The following WDR31 variants were observed in gnomAD, a reference collection of about 807,000 sequenced individuals.
WDR31 encodes the protein WD repeat-containing protein 31.
WDR31 carries 30 observed loss-of-function variants against 47.3 expected under a neutral mutation model. The observed-to-expected ratio is 0.63, with a 90% CI of 0.47 to 0.86. WDR31 has a LOEUF of 0.86. Ranked by LOEUF, WDR31 falls within the 40% of genes least tolerant of loss-of-function variation. WDR31 has a pLI of 0.00. For missense variants in WDR31, 406 were observed against 442.9 expected (o/e 0.92, Z 0.75); for synonymous variants, 137 against 159.4 (o/e 0.86, Z 1.06).
chr9:113,314,135 G>C lies in WDR31; in HGVS notation c.*2614C>G, dbSNP rs1239380985. The C allele has an allele frequency of 7.0e-6, 1 of 143,028 alleles. No homozygotes were observed. The highest frequency in any genetic ancestry group is 1.5e-5 in the Non-Finnish European group (1 of 65,336). 8.9% of individuals were successfully genotyped at this position (143,028 alleles called of 1,614,324 possible). ...AGATTGCACCACTGCACTCCAGCCT[G>C]GGCGACAGAGCAAGATTCCATCTCA... On this transcript the variant is annotated 3_prime_UTR_variant, in exon 11 of 11. Transcript: ENST00000374193.
Position 113,314,241 on chromosome 9 carries a change from G to A in WDR31, c.*2508C>T, listed in dbSNP as rs1195908363. The A allele has an allele frequency of 2.0e-5, 3 of 147,894 alleles. No individual in the cohort carries two copies. Among genetic ancestry groups the A allele is most frequent in the Non-Finnish European group, 4.4e-5 (3 of 67,452 alleles). 9.2% of individuals were successfully genotyped at this position (147,894 alleles called of 1,614,324 possible). On this transcript the variant is annotated 3_prime_UTR_variant, in exon 11 of 11. Transcript: ENST00000374193. ...TTATTTTATTTTATTTTGAGATAGA[G>A]TCTCTCTCTGTTGCCTAGGCTGGAG...
rs965485354 is a variant in WDR31 at position 113,321,350 on chromosome 9, G to C, written c.638+161C>G. 1.1e-5 allele frequency: 7 copies of C among 660,126 alleles called. No homozygotes were observed. The African/African-American group carries it at 1.3e-4, about 12-fold the overall frequency. The allele number at this position is 660,126 out of a possible 1,614,324, so 40.9% of individuals were successfully genotyped here. On this transcript the variant is annotated intron_variant, in intron 8 of 10. Transcript: ENST00000374193. The stretch of plus-strand genomic sequence containing the variant: ...ACAACCTCTACCTTAATGATCCATG[G>C]GGCCAAAGCAGAGAGGCCCCAGCAC...
chr9:113,334,373 TAA>T (rs1421239731), intron 2 of WDR31, among the ~76,000 whole-genome samples: 2 of 152,298 alleles, frequency 1.3e-5, no homozygotes, highest in African/African-American at 4.8e-5. Context: ...TGCAAAAACA[TAA>T]AGCAATACCA....
chr9:113,335,809 C>G (rs752818589), intron 2 of WDR31, among the ~76,000 whole-genome samples: 1 of 152,154 alleles, frequency 6.6e-6, no homozygotes, highest in Non-Finnish European at 1.5e-5. Context: ...GCCTCCCCAG[C>G]TAGAAAATTA....
intron 1 of WDR31, among the ~76,000 whole-genome samples, chr9:113,338,519 A>G (rs749034548): frequency 3.3e-5 from 5 of 152,184 alleles, no homozygotes; most frequent in Non-Finnish European, 5.9e-5. Context: ...TGTATCTATG[A>G]TTTGACCTTA....
Position 113,335,691 on chromosome 9 carries a change from A to G in WDR31, c.-29+597T>C, listed in dbSNP as rs145905235. 1.2e-4 allele frequency among the ~76,000 whole-genome samples: 19 copies of G among 152,300 alleles called. 1 individual carries two copies. The East Asian group carries it at 3.5e-3, about 28-fold the overall frequency. ...ATAGGTAACCAATACAGAAAAGCAC[A>G]ATGCAATGGAAACAATGTGAGTGGC... On this transcript the variant is annotated intron_variant, in intron 2 of 10. Coordinates refer to ENST00000374193, the MANE Select transcript of WDR31 (RefSeq NM_001012361.4).
At chr9:113,327,039 T>C (rs1226161421) in intron 5 of WDR31, among the ~76,000 whole-genome samples, 2 of 152,164 alleles carry the variant, frequency 1.3e-5, no homozygotes, top group Non-Finnish European at 2.9e-5. Context: ...TCTCATTATG[T>C]TGCCCAGGCT....
intron 5 of WDR31, among the ~76,000 whole-genome samples, chr9:113,327,251 G>A (rs1833492694): frequency 6.6e-6 from 1 of 152,122 alleles, no homozygotes; most frequent in South Asian, 2.1e-4. Context: ...CCTTCAAAGT[G>A]TATTTTCATC....
intron 3 of WDR31, 52 bp from the exon 4 acceptor site, chr9:113,331,168 G>A: frequency 1.6e-6 from 2 of 1,221,630 alleles, no homozygotes; most frequent in South Asian, 1.7e-5. Context: ...GTGGATGGGG[G>A]TGGGGTGGGG....
intron 9 of WDR31, among the ~76,000 whole-genome samples, chr9:113,319,006 C>A (rs534325686): frequency 3.9e-5 from 6 of 152,234 alleles, no homozygotes; most frequent in Non-Finnish European, 5.9e-5. Context: ...GCTTTCATGG[C>A]AACTCAAGAG....
At chr9:113,320,721 G>A (rs986111657) in intron 8 of WDR31, among the ~76,000 whole-genome samples, 2 of 152,216 alleles carry the variant, frequency 1.3e-5, no homozygotes, top group Admixed American at 1.3e-4. Flanking sequence ...TTTCTATTTT[G>A]AGATCAGTTA....
intron 1 of WDR31, among the ~76,000 whole-genome samples, chr9:113,338,299 T>G (rs1454131276): frequency 6.6e-6 from 1 of 152,198 alleles, no homozygotes; most frequent in Admixed American, 6.5e-5. Context: ...TCAGAGTGAT[T>G]GGACCCAATA....
At chr9:113,335,601 G>T (rs1451625445) in intron 2 of WDR31, among the ~76,000 whole-genome samples, 1 of 152,182 alleles carries the variant, frequency 6.6e-6, no homozygotes, top group Non-Finnish European at 1.5e-5. Flanking sequence ...TTAAAAAAAT[G>T]GAGTTTTCCA....
rs890908129 is a variant in WDR31, at chr9:113,330,890, C to G, written c.249+94G>C. On this transcript the variant is annotated intron_variant, in intron 4 of 10. Transcript: ENST00000374193. ...AGCCAATATTTTTACACTTGTCAAC[C>G]CTGCTCCAGAAATGCAAATCCTAGA... 5.0e-6 allele frequency: 7 copies of G among 1,399,162 alleles called. No individual in the cohort carries two copies. The African/African-American group carries it at 1.0e-4, about 20-fold the overall frequency. 86.7% of individuals were successfully genotyped at this position (1,399,162 alleles called of 1,614,324 possible).
At chr9:113,331,868 C>T in intron 3 of WDR31, 39 bp downstream of exon 3, 1 of 1,585,868 alleles carries the variant, frequency 6.3e-7, no homozygotes, top group South Asian at 1.1e-5. Context: ...TTTAATGGGG[C>T]ATGATAAAAC....
chr9:113,316,615 A>G lies in WDR31; in HGVS notation c.*134T>C. 2 of 1,115,562 alleles carry G rather than the reference A, an allele frequency of 1.8e-6. No individual in the cohort carries two copies. The highest frequency in any genetic ancestry group is 2.5e-6 in the Non-Finnish European group (2 of 792,972). 69.1% of individuals were successfully genotyped at this position (1,115,562 alleles called of 1,614,324 possible). Reference sequence around the variant, plus strand: ...TTAAATTATTGGACTTACAACACTGATACATCTTGTAAATGAACCTAAGCA... The same window carrying G: ...TTAAATTATTGGACTTACAACACTGGTACATCTTGTAAATGAACCTAAGCA... On this transcript the variant is annotated 3_prime_UTR_variant, in exon 11 of 11. Coordinates refer to ENST00000374193, the MANE Select transcript of WDR31 (RefSeq NM_001012361.4).
chr9:113,322,579 C>T (rs1258289658), intron 7 of WDR31, among the ~76,000 whole-genome samples: 1 of 152,108 alleles, frequency 6.6e-6, no homozygotes, highest in African/African-American at 2.4e-5. Context: ...AATGAAGACA[C>T]CATTTTAAAT....
At chr9:113,334,451 TTAATATGCAATAGG>T (rs1564314933) in intron 2 of WDR31, among the ~76,000 whole-genome samples, 1 of 152,180 alleles carries the variant, frequency 6.6e-6, no homozygotes. Flanking sequence ...ATGTTTTATG[TTAATATGCAATAGG>T]TTTATTGCTA....
At position 113,316,750 on chromosome 9, in the gene WDR31, C is replaced by T; in HGVS notation, c.1103G>A (p.Ter368=). The change falls in exon 11 of 11, where the codon TGA becomes TAA. Residue 368 remains the stop codon, a stop_retained_variant. Transcript: ENST00000374193. ...TTGTCCAGTGAGTGTCTCTTGGCCT[C>T]AGAATGCTGCCACTTCCTGCAGTTC... ...GLELQEVAAF[*] 1 of 1,613,404 alleles carries T rather than the reference C, an allele frequency of 6.2e-7. No individual in the cohort carries two copies. Among genetic ancestry groups the T allele is most frequent in the Non-Finnish European group, 8.5e-7 (1 of 1,179,638 alleles).
Sources: gnomAD v4.1 joint callset for allele counts (sites outside exome capture counted in the v4.1 genomes callset) on GRCh38, gnomAD v4.1.1 for gene constraint, MANE v1.5 for transcripts, NCBI Gene and HGNC (gene_info 2026-07-23, HGNC 2026-07-21) for gene names.